Variants in USP9X observed in about 807,000 individuals in gnomAD.
The protein encoded by USP9X is ubiquitin specific peptidase 9 X-linked.
USP9X carries 7 observed loss-of-function variants against 190.3 expected under a neutral mutation model. The observed-to-expected ratio is 0.04, with a 90% confidence interval of 0.02 to 0.07. USP9X has a LOEUF of 0.07. Ranked by LOEUF, USP9X falls within the 10% of genes least tolerant of loss-of-function variation. USP9X has a pLI of 1.00. For synonymous variants in USP9X, 645 were observed against 659.5 expected, an observed-to-expected ratio of 0.98 and a Z score of 0.34; for missense variants, 1,010 against 1,916.9, an observed-to-expected ratio of 0.53 and a Z score of 8.83.
At chrX:41,154,923 A>G (rs1339155631) in intron 14 of USP9X, among the ~76,000 whole-genome samples, 1 of 111,956 alleles carries the variant, frequency 8.9e-6, no homozygotes, top group Non-Finnish European at 1.9e-5. Flanking sequence ...TTTTAAAACC[A>G]GTAAAATTCT....
intron 14 of USP9X, among the ~76,000 whole-genome samples, chrX:41,160,999 G>A (rs887936518): frequency 4.5e-5 from 5 of 111,080 alleles, no homozygotes; most frequent in African/African-American, 1.6e-4. Context: ...TGAGGGGTGG[G>A]TAGAAGCCTG....
intron 41 of USP9X, 135 bp downstream of exon 41, chrX:41,225,272 T>G (rs1164080667): frequency 2.0e-6 from 1 of 491,276 alleles, no homozygotes; most frequent in East Asian, 3.6e-5. Flanking sequence ...AGGACAAGGG[T>G]AAATAACAGG....
At chrX:41,169,885 C>T (rs1478472077) in intron 18 of USP9X, 110 bp from the exon 19 acceptor site, 2 of 968,329 alleles carry the variant, frequency 2.1e-6, no homozygotes, top group African/African-American at 3.9e-5. Context: ...TTCACATCCT[C>T]TTGTTTAATA....
At chrX:41,151,943 T>C (rs1273087363) in intron 13 of USP9X, among the ~76,000 whole-genome samples, 3 of 112,645 alleles carry the variant, frequency 2.7e-5, no homozygotes, top group Non-Finnish European at 3.7e-5. Context: ...ATTGCAGCAC[T>C]GCATTCCAGC....
chrX:41,114,486 CTTT>C (rs1162608288), intron 1 of USP9X, among the ~76,000 whole-genome samples: 1 of 97,663 alleles, frequency 1.0e-5, no homozygotes. Context: ...TTTCCCTTTT[CTTT>C]TTTTTTTTTT....
At chrX:41,147,766 T>C (rs1193818022) in intron 11 of USP9X, among the ~76,000 whole-genome samples, 1 of 112,454 alleles carries the variant, frequency 8.9e-6, no homozygotes, top group Non-Finnish European at 1.9e-5. Context: ...TTAATCGTTC[T>C]TCTGCTGTTT....
chrX:41,092,447 A>G (rs928598823), intron 1 of USP9X, among the ~76,000 whole-genome samples: 1 of 111,000 alleles, frequency 9.0e-6, no homozygotes, highest in African/African-American at 3.3e-5. Flanking sequence ...TTTCTGCCTA[A>G]CAGTGTTTTC....
At chrX:41,218,706 CAG>C (rs2063234561) in intron 37 of USP9X, 109 bp downstream of exon 37, 3 of 675,452 alleles carry the variant, frequency 4.4e-6, no homozygotes, top group Non-Finnish European at 6.8e-6. Context: ...GTTTACCTAA[CAG>C]AAACACACAA....
At chrX:41,121,091 G>T (rs1187479585) in intron 1 of USP9X, among the ~76,000 whole-genome samples, 1 of 107,957 alleles carries the variant, frequency 9.3e-6, no homozygotes, top group Non-Finnish European at 1.9e-5. Flanking sequence ...CAAGTGATTC[G>T]CTTGCCTTTG....
chrX:41,217,484 A>C, intron 36 of USP9X, 141 bp downstream of exon 36: 2 of 693,926 alleles, frequency 2.9e-6, no homozygotes, highest in Non-Finnish European at 4.1e-6. Flanking sequence ...ACAATAGAGA[A>C]ATCATATTAA....
intron 1 of USP9X, among the ~76,000 whole-genome samples, chrX:41,123,007 GGGGTGCGTGGCA>G (rs1229102700): frequency 9.0e-6 from 1 of 111,160 alleles, no homozygotes; most frequent in Admixed American, 9.6e-5. Flanking sequence ...GCACGGGATA[GGGGTGCGTGGCA>G]GGCCAAAAGG....
intron 6 of USP9X, 110 bp from the exon 7 acceptor site, chrX:41,140,546 G>A (rs759745411): frequency 7.6e-6 from 4 of 523,453 alleles, no homozygotes; most frequent in Admixed American, 8.3e-5. Flanking sequence ...TTTGAAAGAT[G>A]ATTTATTTTA....
chrX:41,192,666 A>G (rs1420648817), intron 26 of USP9X, among the ~76,000 whole-genome samples: 1 of 111,650 alleles, frequency 9.0e-6, no homozygotes, highest in African/African-American at 3.3e-5. Flanking sequence ...GCAGTGTTTG[A>G]TGTTAATGTG....
intron 28 of USP9X, 120 bp from the exon 29 acceptor site, chrX:41,197,244 A>G: frequency 2.2e-6 from 1 of 453,258 alleles, no homozygotes. Flanking sequence ...GACTTAAGGA[A>G]ATTATCTCAT....
chrX:41,101,012 A>T (rs1470740274), intron 1 of USP9X, among the ~76,000 whole-genome samples: 2 of 111,545 alleles, frequency 1.8e-5, no homozygotes. Context: ...TCTATCAAAA[A>T]ATTGCTGACC....
At chrX:41,197,294 C>G (rs1602023265) in intron 28 of USP9X, 70 bp from the exon 29 acceptor site, 1 of 820,486 alleles carries the variant, frequency 1.2e-6, no homozygotes, top group East Asian at 3.5e-5. Flanking sequence ...CTCTCTCCCT[C>G]TTTACCTCCC....
chrX:41,190,814 C>T (rs754039975), intron 26 of USP9X, among the ~76,000 whole-genome samples: 6 of 111,275 alleles, frequency 5.4e-5, no homozygotes, highest in Admixed American at 2.9e-4. Flanking sequence ...GCATGCAGTG[C>T]GGTAATGTAC....
At chrX:41,206,419 C>T (rs2063097013) in intron 32 of USP9X, among the ~76,000 whole-genome samples, 2 of 111,745 alleles carry the variant, frequency 1.8e-5, no homozygotes, top group African/African-American at 6.5e-5. Context: ...GTCCATTTAC[C>T]ACAAATGGTT....
intron 6 of USP9X, among the ~76,000 whole-genome samples, chrX:41,137,510 T>A (rs1026121190): frequency 2.5e-4 from 28 of 111,764 alleles, no homozygotes; most frequent in Middle Eastern, 4.6e-3. Flanking sequence ...TCTATATTGG[T>A]GTAAACAGAC....
Sources: allele counts gnomAD v4.1 joint callset (sites outside exome capture counted in the v4.1 genomes callset), GRCh38; gene constraint gnomAD v4.1.1; transcripts MANE v1.5; gene names NCBI Gene and HGNC (gene_info 2026-07-23, HGNC 2026-07-21).